DOK6: variants seen among roughly 807,000 people sequenced by gnomAD.
The protein encoded by DOK6 is docking protein 6.
A neutral mutation model predicts 44.0 loss-of-function variants in DOK6; 22 were observed. The ratio of observed to expected loss-of-function variants is 0.50; its 90% CI spans 0.36 to 0.71. The LOEUF is 0.71. DOK6 is among the 30% of genes least tolerant of loss of function. The pLI is 0.00. For missense variants in DOK6, 340 were observed against 416.4 expected (o/e 0.82, Z 1.60); for synonymous variants, 166 against 145.5 (o/e 1.14, Z -1.01).
intron 7 of DOK6, among the ~76,000 whole-genome samples, chr18:69,840,154 G>A (rs1982173742): frequency 6.6e-6 from 1 of 152,324 alleles, no homozygotes; most frequent in Admixed American, 6.5e-5. Flanking sequence ...CAAGGACAGA[G>A]CCACCTGCGG....
intron 2 of DOK6, among the ~76,000 whole-genome samples, chr18:69,581,413 T>C (rs909173130): frequency 1.8e-4 from 27 of 152,242 alleles, no homozygotes; most frequent in African/African-American, 6.5e-4. Context: ...TTAGGCTATT[T>C]GTTAAAGGAA....
intron 7 of DOK6, among the ~76,000 whole-genome samples, chr18:69,803,857 CA>C (rs1035763856): frequency 6.6e-6 from 1 of 151,764 alleles, no homozygotes; most frequent in African/African-American, 2.4e-5. Flanking sequence ...GGCTCCGTCT[CA>C]AAAAAATATA....
In DOK6 at chr18:69,487,175, ATATGTGTGTG is replaced by A. The variant is rs1393217174; in HGVS notation, c.67-77310_67-77301del. 4.5e-3 allele frequency among the ~76,000 whole-genome samples: 461 copies of A among 102,624 alleles called. 2 individuals carry two copies. The highest frequency in any genetic ancestry group is 0.015 in the African/African-American group (440 of 28,638). 67.3% of individuals were successfully genotyped at this position (102,624 alleles called of 152,430 possible). A position where few individuals can be genotyped will look rare whatever the true frequency, so the allele number is the denominator to read the frequency against. ...TACAATTAGCCTTGGCACTGATAGG[ATATGTGTGTG>A]TGTGTGTGTGTGTGTGTGTGTGTGT... On this transcript the variant is annotated intron_variant, in intron 1 of 7. Transcript: ENST00000382713.
rs1188575168 is a variant in DOK6 at position 69,669,797 on chromosome 18, TC to T, written c.290-7936del. ...AAATTCCTATTTAATTTATTAAGCT[TC>T]AAGTAGATTTAATCACACCATATTC... is the stretch of plus-strand genomic sequence containing the variant. On this transcript the variant is annotated intron_variant, in intron 3 of 7. Coordinates refer to ENST00000382713, the MANE Select transcript of DOK6 (RefSeq NM_152721.6). Among the ~76,000 whole-genome samples the T allele has an allele frequency of 2.1e-4, 32 of 152,318 alleles. 1 individual carries two copies. Among genetic ancestry groups the T allele is most frequent in the Admixed American group, 5.9e-4 (9 of 15,300 alleles).
At chr18:69,798,667 T>A (rs534492873) in intron 7 of DOK6, among the ~76,000 whole-genome samples, 1 of 152,086 alleles carries the variant, frequency 6.6e-6, no homozygotes, top group African/African-American at 2.4e-5. Flanking sequence ...AAAAGGTTTT[T>A]GTTTTCTGTT....
chr18:69,819,587 A>T (rs1369682212), intron 7 of DOK6, among the ~76,000 whole-genome samples: 2 of 152,324 alleles, frequency 1.3e-5, no homozygotes, highest in East Asian at 3.9e-4. Context: ...CAGTGCTAAA[A>T]TGACAATGTT....
intron 3 of DOK6, among the ~76,000 whole-genome samples, chr18:69,672,035 C>G (rs1296864572): frequency 6.6e-6 from 1 of 152,134 alleles, no homozygotes; most frequent in African/African-American, 2.4e-5. Context: ...ATTCTCTACA[C>G]TGTTATGGAA....
At chr18:69,476,531 C>T (rs1295293118) in intron 1 of DOK6, among the ~76,000 whole-genome samples, 1 of 151,560 alleles carries the variant, frequency 6.6e-6, no homozygotes, top group African/African-American at 2.4e-5. Context: ...ATTAGAGAAG[C>T]CTTACTCTGG....
chr18:69,481,528 C>T (rs1338386171), intron 1 of DOK6, among the ~76,000 whole-genome samples: 4 of 152,188 alleles, frequency 2.6e-5, no homozygotes, highest in South Asian at 2.1e-4. Flanking sequence ...CAGCTTCATC[C>T]GTGTCCCTAC....
chr18:69,797,552 A>T (rs1222582118), intron 7 of DOK6, among the ~76,000 whole-genome samples: 1 of 152,164 alleles, frequency 6.6e-6, no homozygotes, highest in African/African-American at 2.4e-5. Context: ...TAAATTTGAC[A>T]TAAGTATTAT....
At chr18:69,570,072 G>GAA (rs112576407) in intron 2 of DOK6, among the ~76,000 whole-genome samples, 2 of 146,978 alleles carry the variant, frequency 1.4e-5, no homozygotes, top group African/African-American at 5.0e-5. Context: ...GAGGTTTCAG[G>GAA]AAAAAAAAAA....
intron 1 of DOK6, among the ~76,000 whole-genome samples, chr18:69,520,937 C>T (rs1007980414): frequency 6.6e-6 from 1 of 151,834 alleles, no homozygotes; most frequent in Admixed American, 6.6e-5. Context: ...CTTAATTCAA[C>T]TGTGCATGTT....
intron 7 of DOK6, among the ~76,000 whole-genome samples, chr18:69,793,757 G>A (rs918178716): frequency 2.0e-5 from 3 of 151,942 alleles, no homozygotes; most frequent in Non-Finnish European, 2.9e-5. Context: ...AGAAGAGATA[G>A]CACTTTCCCA....
chr18:69,685,080 A>G (rs905562601), intron 4 of DOK6, among the ~76,000 whole-genome samples: 29 of 152,202 alleles, frequency 1.9e-4, no homozygotes, highest in African/African-American at 6.5e-4. Context: ...AACTTTGAAT[A>G]ACAACAACAA....
At chr18:69,612,013 A>C (rs1273676196) in intron 3 of DOK6, among the ~76,000 whole-genome samples, 1 of 152,106 alleles carries the variant, frequency 6.6e-6, no homozygotes, top group African/African-American at 2.4e-5. Flanking sequence ...GTGGACTATC[A>C]ATGTCAACAC....
chr18:69,769,731 T>C (rs892822702), intron 7 of DOK6, among the ~76,000 whole-genome samples: 5 of 152,090 alleles, frequency 3.3e-5, no homozygotes, highest in Non-Finnish European at 5.9e-5. Flanking sequence ...AAAATCCCAA[T>C]AATTAATTTC....
chr18:69,601,599 C>T (rs1269694300), intron 3 of DOK6, among the ~76,000 whole-genome samples: 1 of 152,162 alleles, frequency 6.6e-6, no homozygotes, highest in Non-Finnish European at 1.5e-5. Flanking sequence ...AGTCAGAGCA[C>T]CTTATCGTTA....
intron 6 of DOK6, among the ~76,000 whole-genome samples, chr18:69,749,556 A>T (rs1599304004): frequency 6.6e-6 from 1 of 152,302 alleles, no homozygotes; most frequent in East Asian, 1.9e-4. Context: ...GATATTAATC[A>T]ATCAAAGCTT....
chr18:69,841,150 T>C, intron 7 of DOK6, 94 bp from the exon 8 acceptor site: 1 of 1,483,992 alleles, frequency 6.7e-7, no homozygotes, highest in Admixed American at 1.9e-5. Flanking sequence ...TTCTTAAAAA[T>C]ATAGATAGAT....
Sources: allele counts gnomAD v4.1 joint callset (sites outside exome capture counted in the v4.1 genomes callset), GRCh38; gene constraint gnomAD v4.1.1; transcripts MANE v1.5; gene names NCBI Gene and HGNC (gene_info 2026-07-23, HGNC 2026-07-21).